Variants in KLHL29 observed in about 807,000 individuals in gnomAD.
KLHL29 encodes the protein kelch-like protein 29.
A neutral mutation model predicts 80.4 loss-of-function variants in KLHL29; 21 were observed. The observed-to-expected ratio is 0.26, with a 90% CI of 0.19 to 0.38. The LOEUF (loss-of-function observed/expected upper bound fraction) is 0.38, where lower values mean the gene tolerates loss of function less well. KLHL29 is among the 10% of genes least tolerant of loss of function. The probability of loss-of-function intolerance (pLI) is 1.00; values close to 1 mark genes in which losing one functional copy is unlikely to be tolerated. For synonymous variants in KLHL29, 511 were observed against 526.8 expected, an observed-to-expected ratio of 0.97 and a Z score of 0.41; for missense variants, 867 against 1,223.9, an observed-to-expected ratio of 0.71 and a Z score of 4.35.
rs77942586 is a variant in KLHL29, at chr2:23,623,271, T to C, written c.286-15868T>C. ...GGTGCCCAGCATCCCTCATGGACCC[T>C]ACAGTGCTGGCCTGTCCCCTGCAAT... On this transcript the variant is annotated intron_variant, in intron 3 of 13. Transcript: ENST00000486442. Among the ~76,000 whole-genome samples the C allele has an allele frequency of 3.5e-4, 54 of 152,240 alleles. 1 individual carries two copies. In the East Asian group the frequency reaches 0.01, roughly 28 times the overall value.
At chr2:23,607,887 G>A (rs1443259708) in intron 3 of KLHL29, among the ~76,000 whole-genome samples, 1 of 152,180 alleles carries the variant, frequency 6.6e-6, no homozygotes, top group African/African-American at 2.4e-5. Context: ...AAAGGTTGGG[G>A]ACCACTGCCT....
rs561547822 is a variant in KLHL29 at position 23,474,513 on chromosome 2, G to A, written c.-153-1047G>A. On this transcript the variant is annotated intron_variant, in intron 1 of 13. Coordinates refer to ENST00000486442, the MANE Select transcript of KLHL29 (RefSeq NM_052920.2). ...CGACCTTGGCTGATTTTGCTTCCCC[G>A]CAGAGGTTATTTCTTAGTCGTAAAG... Among the ~76,000 whole-genome samples, 7 of 152,286 alleles carry A rather than the reference G, an allele frequency of 4.6e-5. No individual in the cohort carries two copies. The East Asian group carries it at 1.2e-3, about 25-fold the overall frequency.
chr2:23,632,982 GC>G (rs1197478732), intron 3 of KLHL29, among the ~76,000 whole-genome samples: 2 of 48,010 alleles, frequency 4.2e-5, no homozygotes, highest in African/African-American at 1.1e-4. Flanking sequence ...CAAAAGTCTG[GC>G]ATGGCCAATC....
chr2:23,388,862 A>G (rs1198022092), intron 1 of KLHL29, among the ~76,000 whole-genome samples: 1 of 151,112 alleles, frequency 6.6e-6, no homozygotes, highest in East Asian at 1.9e-4. Context: ...TCTTTCTTTC[A>G]GCAGGCTTAC....
intron 2 of KLHL29, among the ~76,000 whole-genome samples, chr2:23,534,250 T>C (rs763347596): frequency 3.9e-5 from 6 of 152,178 alleles, no homozygotes; most frequent in East Asian, 1.9e-4. Flanking sequence ...CTTGGCCACA[T>C]TGCAGTTAGT....
Position 23,703,391 on chromosome 2 carries a change from C to G in KLHL29, c.2299+12C>G. 6.8e-7 allele frequency: 1 copy of G among 1,477,906 alleles called. No homozygotes were observed. Among genetic ancestry groups the G allele is most frequent in the Non-Finnish European group, 9.0e-7 (1 of 1,114,198 alleles). The allele number at this position is 1,477,906 out of a possible 1,614,324, so 91.5% of individuals were successfully genotyped here. On this transcript the variant is annotated intron_variant, in intron 12 of 13. Coordinates refer to ENST00000486442, the MANE Select transcript of KLHL29 (RefSeq NM_052920.2). ...GTCCCCAATGATTGGTGAGAACCAG[C>G]GGTGTCCTCAGCCCAGGGCCAGGGT...
intron 3 of KLHL29, among the ~76,000 whole-genome samples, chr2:23,566,522 C>G (rs1186688071): frequency 2.0e-5 from 3 of 152,200 alleles, no homozygotes; most frequent in Non-Finnish European, 4.4e-5. Flanking sequence ...ATCCACCCAG[C>G]TGATAGCAAG....
intron 3 of KLHL29, among the ~76,000 whole-genome samples, chr2:23,577,598 A>C (rs1667875109): frequency 6.6e-6 from 1 of 151,888 alleles, no homozygotes. Flanking sequence ...AAATACAAAA[A>C]TTAGCTGGGC....
intron 3 of KLHL29, among the ~76,000 whole-genome samples, chr2:23,597,027 C>T (rs1297546137): frequency 1.3e-5 from 2 of 152,124 alleles, no homozygotes; most frequent in Admixed American, 1.3e-4. Flanking sequence ...GGATCGCTTG[C>T]TGCTTTATAT....
At chr2:23,412,814 G>T (rs757336901) in intron 1 of KLHL29, among the ~76,000 whole-genome samples, 1 of 152,156 alleles carries the variant, frequency 6.6e-6, no homozygotes, top group Non-Finnish European at 1.5e-5. Context: ...CAAGAAGCTC[G>T]CAAAATGGGA....
chr2:23,630,144 C>T (rs1269942947), intron 3 of KLHL29, among the ~76,000 whole-genome samples: 1 of 152,208 alleles, frequency 6.6e-6, no homozygotes, highest in Non-Finnish European at 1.5e-5. Flanking sequence ...CTGAGGTGGG[C>T]AGCACCAGGA....
intron 6 of KLHL29, among the ~76,000 whole-genome samples, chr2:23,688,349 A>G (rs1467766892): frequency 2.6e-5 from 4 of 152,028 alleles, no homozygotes; most frequent in Admixed American, 2.6e-4. Context: ...TCCCTCACCC[A>G]CCACTGCCCA....
At chr2:23,550,680 T>C (rs964163928) in intron 2 of KLHL29, among the ~76,000 whole-genome samples, 8 of 152,216 alleles carry the variant, frequency 5.3e-5, no homozygotes, top group Admixed American at 5.2e-4. Context: ...GAATAGACTC[T>C]TGTCTAGAAG....
chr2:23,474,457 G>A (rs973027366), intron 1 of KLHL29, among the ~76,000 whole-genome samples: 7 of 152,156 alleles, frequency 4.6e-5, no homozygotes, highest in Non-Finnish European at 1.0e-4. Context: ...AAATGTACTC[G>A]CCACTTTGGT....
chr2:23,494,725 A>AC (rs1225926865), intron 2 of KLHL29, among the ~76,000 whole-genome samples: 2 of 151,150 alleles, frequency 1.3e-5, no homozygotes, highest in Admixed American at 6.6e-5. Context: ...ATCATGAAAG[A>AC]CCCCCTCGGC....
intron 2 of KLHL29, among the ~76,000 whole-genome samples, chr2:23,485,248 C>T (rs766617540): frequency 4.6e-5 from 7 of 152,230 alleles, no homozygotes; most frequent in Non-Finnish European, 1.0e-4. Flanking sequence ...AGGAGACTAC[C>T]GGGAGTCTTT....
chr2:23,646,220 C>T (rs573655830), intron 5 of KLHL29, among the ~76,000 whole-genome samples: 101 of 152,272 alleles, frequency 6.6e-4, no homozygotes, highest in African/African-American at 2.3e-3. Flanking sequence ...AGAGGTGTGG[C>T]CAAGCTCAGG....
intron 3 of KLHL29, among the ~76,000 whole-genome samples, chr2:23,573,174 G>A (rs1412217240): frequency 6.6e-6 from 1 of 152,168 alleles, no homozygotes; most frequent in African/African-American, 2.4e-5. Context: ...ATCTCTCCTG[G>A]AGCATTTGCA....
intron 2 of KLHL29, among the ~76,000 whole-genome samples, chr2:23,521,532 C>A (rs11894865): frequency 2.0e-5 from 3 of 152,136 alleles, no homozygotes; most frequent in Admixed American, 6.5e-5. Flanking sequence ...CATGAGCTCC[C>A]TCAGCATCCT....
Sources: gnomAD v4.1 joint callset for allele counts (sites outside exome capture counted in the v4.1 genomes callset) on GRCh38, gnomAD v4.1.1 for gene constraint, MANE v1.5 for transcripts, NCBI Gene and HGNC (gene_info 2026-07-23, HGNC 2026-07-21) for gene names.